The following TXNDC12 variants were observed in gnomAD, a reference collection of about 807,000 sequenced individuals.
The protein encoded by TXNDC12 is thioredoxin domain-containing protein 12.
A neutral mutation model predicts 24.2 loss-of-function variants in TXNDC12; 22 were observed. The observed-to-expected ratio is 0.91, with a 90% CI of 0.65 to 1.30. The LOEUF (loss-of-function observed/expected upper bound fraction) is 1.30. TXNDC12 is among the 50% of genes most tolerant of loss of function. The pLI is 0.00. For missense variants in TXNDC12, 184 were observed against 205.8 expected (o/e 0.89, Z 0.65); for synonymous variants, 58 against 73.4 (o/e 0.79, Z 1.07).
chr1:52,045,218 G>C (rs1441099521), intron 1 of TXNDC12, among the ~76,000 whole-genome samples: 1 of 152,176 alleles, frequency 6.6e-6, no homozygotes, highest in East Asian at 1.9e-4. Context: ...TATGGAGATA[G>C]TAACAGATCA....
At chr1:52,027,715 C>T (rs57263698) in intron 3 of TXNDC12, among the ~76,000 whole-genome samples, 2,688 of 150,342 alleles carry the variant, frequency 0.018, 92 homozygotes, top group East Asian at 0.13. Flanking sequence ...TGTGTGTATA[C>T]ATATATGTAT....
intron 1 of TXNDC12, among the ~76,000 whole-genome samples, chr1:52,052,156 G>A (rs1486312372): frequency 6.6e-6 from 1 of 152,154 alleles, no homozygotes; most frequent in Non-Finnish European, 1.5e-5. Flanking sequence ...ATATCATGCT[G>A]CCATGTAACT....
intron 5 of TXNDC12, 53 bp downstream of exon 5, chr1:52,024,457 A>G (rs1374130827): frequency 2.1e-6 from 3 of 1,416,824 alleles, no homozygotes; most frequent in African/African-American, 2.8e-5. Context: ...GCCTTGATTC[A>G]TTTCTCTCTC....
At chr1:52,051,164 A>G (rs1414952238) in intron 1 of TXNDC12, among the ~76,000 whole-genome samples, 1 of 152,232 alleles carries the variant, frequency 6.6e-6, no homozygotes, top group Non-Finnish European at 1.5e-5. Context: ...AATGTACAGT[A>G]AATATTGGTC....
intron 2 of TXNDC12, chr1:52,033,063 C>T: frequency 6.3e-7 from 1 of 1,599,108 alleles, no homozygotes; most frequent in Non-Finnish European, 8.5e-7. Flanking sequence ...CCTCTAGGCC[C>T]ACCAAAGTGA....
chr1:52,046,766 C>G (rs1423125895), intron 1 of TXNDC12, among the ~76,000 whole-genome samples: 2 of 150,686 alleles, frequency 1.3e-5, no homozygotes, highest in African/African-American at 2.4e-5. Context: ...GCCTGTAATC[C>G]CAGCACTTTG....
chr1:52,041,741 T>A (rs761810336), intron 1 of TXNDC12, 144 bp from the exon 2 acceptor site: 6 of 546,374 alleles, frequency 1.1e-5, no homozygotes, highest in Non-Finnish European at 1.9e-5. Context: ...TCCACCACCT[T>A]CTAGGTGTAT....
At chr1:52,041,901 G>A (rs915132434) in intron 1 of TXNDC12, among the ~76,000 whole-genome samples, 4 of 152,180 alleles carry the variant, frequency 2.6e-5, no homozygotes, top group East Asian at 1.9e-4. Context: ...AAGAATGAAC[G>A]AGAATTTCCC....
intron 2 of TXNDC12, among the ~76,000 whole-genome samples, chr1:52,031,555 C>G (rs532424633): frequency 4.3e-4 from 65 of 151,684 alleles, no homozygotes; most frequent in Non-Finnish European, 7.9e-4. Flanking sequence ...TGCAGTGGTG[C>G]GATCTCAGCT....
chr1:52,032,166 AAAAC>A (rs1462241594), intron 2 of TXNDC12: 4 of 983,318 alleles, frequency 4.1e-6, no homozygotes, highest in Non-Finnish European at 4.8e-6. Flanking sequence ...TACTTCCACA[AAAAC>A]AAAGTTTCTC....
intron 2 of TXNDC12, among the ~76,000 whole-genome samples, chr1:52,040,493 C>T (rs1279305603): frequency 6.6e-6 from 1 of 152,138 alleles, no homozygotes; most frequent in Non-Finnish European, 1.5e-5. Flanking sequence ...AGCCAGTGTG[C>T]AGAAGTTTTG....
At chr1:52,052,753 T>C (rs1686240390) in intron 1 of TXNDC12, 1 of 152,226 alleles carries the variant, frequency 6.6e-6, no homozygotes, top group East Asian at 1.9e-4. Flanking sequence ...AAGCTTAATA[T>C]CTAACAAGGA....
intron 2 of TXNDC12, chr1:52,033,768 A>G (rs1321775540): frequency 6.4e-7 from 1 of 1,573,824 alleles, no homozygotes; most frequent in South Asian, 1.2e-5. Context: ...GCATCCTCTC[A>G]GGGAGCGACC....
At chr1:52,033,113 C>G (rs748747226) in intron 2 of TXNDC12, 3 of 1,613,060 alleles carry the variant, frequency 1.9e-6, no homozygotes, top group Non-Finnish European at 2.5e-6. Flanking sequence ...TCGGGAGCCT[C>G]AAAGCGCAGC....
Position 52,024,792 on chromosome 1 carries a change from A to G in TXNDC12, c.286-213T>C, listed in dbSNP as rs1685650214. 1.6e-5 allele frequency: 8 copies of G among 495,878 alleles called. No individual in the cohort carries two copies. In the East Asian group the frequency reaches 2.4e-4, roughly 15 times the overall value. The allele number at this position is 495,878 out of a possible 1,614,324, so 30.7% of individuals were successfully genotyped here. Reference sequence around the variant, plus strand: ...ACACTGACCTCTTGCTGTTGCTGTCATTAAACAAGCCAGGGATAATCCTAA... The same window carrying G: ...ACACTGACCTCTTGCTGTTGCTGTCGTTAAACAAGCCAGGGATAATCCTAA... On this transcript the variant is annotated intron_variant, in intron 4 of 6. Coordinates refer to ENST00000371626, the MANE Select transcript of TXNDC12 (RefSeq NM_015913.4).
chr1:52,049,109 A>G (rs1466205716), intron 1 of TXNDC12, among the ~76,000 whole-genome samples: 1 of 152,180 alleles, frequency 6.6e-6, no homozygotes, highest in African/African-American at 2.4e-5. Context: ...TAATAAATTT[A>G]AAGAGTCACA....
upstream of TXNDC12, chr1:52,055,767 C>T (rs1165108009): frequency 2.0e-5 from 3 of 152,288 alleles, no homozygotes; most frequent in Non-Finnish European, 1.5e-5. Context: ...GATGATGCAA[C>T]CAACTGATGC....
At chr1:52,023,389 C>T in intron 6 of TXNDC12, 102 bp downstream of exon 6, 1 of 898,720 alleles carries the variant, frequency 1.1e-6, no homozygotes, top group Admixed American at 1.9e-5. Context: ...GCAGGAGATG[C>T]TCAGCTAACA....
Position 52,055,190 on chromosome 1 carries a change from A to T in TXNDC12, c.-94T>A. ...AGTTCGCCGAGCGCCGCTCAGCACAACACCTCTACTTCCCAGATTTTTTTT... is the reference window on the plus strand; with the variant it reads ...AGTTCGCCGAGCGCCGCTCAGCACATCACCTCTACTTCCCAGATTTTTTTT... On this transcript the variant is annotated 5_prime_UTR_variant, in exon 1 of 7. The change creates a new upstream start codon in the 5' untranslated region. Coordinates refer to ENST00000371626, the MANE Select transcript of TXNDC12 (RefSeq NM_015913.4). 1 of 788,698 alleles carries T rather than the reference A, an allele frequency of 1.3e-6. No individual in the cohort carries two copies. The allele number at this position is 788,698 out of a possible 1,614,324, so 48.9% of individuals were successfully genotyped here. A position where few individuals can be genotyped will look rare whatever the true frequency, so the allele number is the denominator to read the frequency against.
Sources: allele counts gnomAD v4.1 joint callset (sites outside exome capture counted in the v4.1 genomes callset), GRCh38; gene constraint gnomAD v4.1.1; transcripts MANE v1.5; gene names NCBI Gene and HGNC (gene_info 2026-07-23, HGNC 2026-07-21).